Variants in AMDHD2 observed in about 807,000 individuals in gnomAD.
AMDHD2 encodes amidohydrolase domain containing 2, also known as N-acetylglucosamine-6-phosphate deacetylase.
AMDHD2 carries 24 observed loss-of-function variants against 41.8 expected under a neutral mutation model. The observed-to-expected ratio is 0.57, with a 90% CI of 0.42 to 0.81. The LOEUF (loss-of-function observed/expected upper bound fraction) is 0.81, where lower values mean the gene tolerates loss of function less well. Ranked by LOEUF, AMDHD2 falls within the 30% of genes least tolerant of loss-of-function variation. AMDHD2 has a pLI of 0.00. For synonymous variants in AMDHD2, 332 were observed against 255.5 expected, an observed-to-expected ratio of 1.30 and a Z score of -2.85; for missense variants, 540 against 588.5, an observed-to-expected ratio of 0.92 and a Z score of 0.85.
intron 3 of AMDHD2, 94 bp downstream of exon 3, chr16:2,521,217 C>A: frequency 7.2e-7 from 1 of 1,398,502 alleles, no homozygotes; most frequent in Non-Finnish European, 9.4e-7. Context: ...ACCCCCAGCA[C>A]GTATTCCATG....
chr16:2,531,045 TGCTG>T lies in AMDHD2; in HGVS notation c.*1487_*1490del. ...GGTTGAGCATCGCCTGTGCCCAGCT[TGCTG>T]GCTGTCAGTGCTTGATGTGCCCATC... is the stretch of plus-strand genomic sequence containing the variant. On this transcript the variant is annotated 3_prime_UTR_variant, in exon 11 of 11. Transcript: ENST00000293971. 1 of 1,597,836 alleles carries T rather than the reference TGCTG, an allele frequency of 6.3e-7. No individual in the cohort carries two copies. Among genetic ancestry groups the T allele is most frequent in the Non-Finnish European group, 8.6e-7 (1 of 1,167,902 alleles).
Position 2,527,464 on chromosome 16 carries a change from GCTCTGAA to G in AMDHD2, c.361-90_361-84del. 7.2e-7 allele frequency: 1 copy of G among 1,379,996 alleles called. No homozygotes were observed. Among genetic ancestry groups the G allele is most frequent in the South Asian group, 1.2e-5 (1 of 81,006 alleles). The allele number at this position is 1,379,996 out of a possible 1,614,324, so 85.5% of individuals were successfully genotyped here. A position where few individuals can be genotyped will look rare whatever the true frequency, so the allele number is the denominator to read the frequency against. ...CGGCCGGGGCTGGGCTGGGTGCTGG[GCTCTGAA>G]CTCTGACCTGAGATCTCTGGCCTTG... On this transcript the variant is annotated intron_variant, in intron 3 of 10. Transcript: ENST00000293971. This position sits in a 1 kb window ranked among gnomAD's most constrained non-coding sequence, Gnocchi z 6.1.
At chr16:2,528,020 G>T in intron 5 of AMDHD2, 35 bp downstream of exon 5, 1 of 1,610,958 alleles carries the variant, frequency 6.2e-7, no homozygotes, top group South Asian at 1.1e-5. Context: ...CTGCTTGGGG[G>T]ACCTGGGCCA....
Position 2,528,463 on chromosome 16 carries a change from G to A in AMDHD2, c.874G>A (p.Val292Ile), listed in dbSNP as rs1273826277. ...CTCTTCTCCCCCAGGGCTGGTGCTG[G>A]TCACCGATGCCATCCCTGCCTTGGG... ...HRAHPQGLVL[V>I]TDAIPALGLG... is the part of the protein sequence containing the mutation. The change falls in exon 8 of 11, where the codon GTC (valine) becomes ATC (isoleucine). Residue 292 changes from valine to isoleucine, a missense_variant. Transcript: ENST00000293971. The A allele has an allele frequency of 1.6e-5, 25 of 1,612,694 alleles. No individual in the cohort carries two copies. Among genetic ancestry groups the A allele is most frequent in the Non-Finnish European group, 2.1e-5 (25 of 1,179,916 alleles).
At position 2,530,318 on chromosome 16, in the gene AMDHD2, A is replaced by C; in HGVS notation, c.*755A>C. 6.2e-7 allele frequency: 1 copy of C among 1,614,102 alleles called. No individual in the cohort carries two copies. Among genetic ancestry groups the C allele is most frequent in the Admixed American group, 1.7e-5 (1 of 60,028 alleles). ...GCTGGAGGGCAGTATGGGAGGCACC[A>C]GTGTGCCCTGCTCACCCCATTAGTG... is the stretch of plus-strand genomic sequence containing the variant. On this transcript the variant is annotated 3_prime_UTR_variant, in exon 11 of 11. Coordinates refer to ENST00000293971, the MANE Select transcript of AMDHD2 (RefSeq NM_001330449.2).
In AMDHD2 at chr16:2,530,485, A is replaced by T; in HGVS notation, c.*922A>T. The T allele has an allele frequency of 6.2e-7, 1 of 1,614,116 alleles. No individual in the cohort carries two copies. Among genetic ancestry groups the T allele is most frequent in the Non-Finnish European group, 8.5e-7 (1 of 1,179,994 alleles). ...CTGAGGACAGCCACAGTGGGGTCAG[A>T]CGTCAGGGATTGGTGCAGCCCCACG... is the stretch of plus-strand genomic sequence containing the variant. On this transcript the variant is annotated 3_prime_UTR_variant, in exon 11 of 11. Coordinates refer to ENST00000293971, the MANE Select transcript of AMDHD2 (RefSeq NM_001330449.2).
chr16:2,524,290 G>T (rs935203412), intron 3 of AMDHD2, among the ~76,000 whole-genome samples: 7 of 152,216 alleles, frequency 4.6e-5, no homozygotes, highest in African/African-American at 1.7e-4. Context: ...CTTTTCTGGG[G>T]GGTTTCCGCC....
rs772528025 is a variant in AMDHD2 at position 2,530,549 on chromosome 16, C to G, written c.*986C>G. The G allele has an allele frequency of 1.9e-6, 3 of 1,614,196 alleles. No individual in the cohort carries two copies. The Admixed American group carries it at 5.0e-5, about 27-fold the overall frequency. On this transcript the variant is annotated 3_prime_UTR_variant, in exon 11 of 11. Coordinates refer to ENST00000293971, the MANE Select transcript of AMDHD2 (RefSeq NM_001330449.2). The stretch of plus-strand genomic sequence containing the variant: ...TCTTGACTTTCTCTCCATTTGAGTT[C>G]TGGGGTGGGTGGCTCCCTTCCCCCT...
chr16:2,525,092 T>C (rs1032595829), intron 3 of AMDHD2, among the ~76,000 whole-genome samples: 1 of 152,008 alleles, frequency 6.6e-6, no homozygotes, highest in Non-Finnish European at 1.5e-5. Flanking sequence ...AGTCTCCCTC[T>C]GTCACCCAGG....
intron 10 of AMDHD2, 52 bp downstream of exon 10, chr16:2,529,147 T>C: frequency 6.8e-7 from 1 of 1,464,974 alleles, no homozygotes. Flanking sequence ...CTGTAGACTC[T>C]GTTGTTCCTG....
At chr16:2,525,409 C>T (rs1341123982) in intron 3 of AMDHD2, among the ~76,000 whole-genome samples, 3 of 150,470 alleles carry the variant, frequency 2.0e-5, no homozygotes, top group Non-Finnish European at 4.4e-5. Context: ...TCTTGTTGCC[C>T]GGGCTGGAGC....
At position 2,528,121 on chromosome 16, in the gene AMDHD2, C is replaced by A. The variant is rs561836872; in HGVS notation, c.690C>A (p.Ile230=). The A allele has an allele frequency of 3.7e-6, 6 of 1,613,118 alleles. No homozygotes were observed. The highest frequency in any genetic ancestry group is 5.1e-6 in the Non-Finnish European group (6 of 1,179,866). The part of the protein sequence containing the change: ...EDAVWSGATF[I]THLFNAMLPF... ...CTGTGTGGAGCGGAGCCACCTTCAT[C>A]ACCCACCTCTTCAACGCCATGCTGC... The change falls in exon 6 of 11, where the codon ATC becomes ATA. Residue 230 remains isoleucine (I), a synonymous_variant. Transcript: ENST00000293971.
chr16:2,527,677 C>T lies in AMDHD2; in HGVS notation c.415+62C>T. 6.4e-7 allele frequency: 1 copy of T among 1,569,712 alleles called. No homozygotes were observed. The highest frequency in any genetic ancestry group is 8.7e-7 in the Non-Finnish European group (1 of 1,155,892). On this transcript the variant is annotated intron_variant, in intron 4 of 10. Coordinates refer to ENST00000293971, the MANE Select transcript of AMDHD2 (RefSeq NM_001330449.2). This position sits in a 1 kb window ranked among gnomAD's most constrained non-coding sequence, Gnocchi z 6.1. ...AGGCTCCTGCGGGACCTGTTGGCAG[C>T]CCCCACCCCTCCAGATGCCCAGCTG...
rs1291630735 is a variant in AMDHD2 at position 2,528,067 on chromosome 16, A to G, written c.636A>G (p.Ser212=). Residue 212 remains serine, a synonymous_variant, in exon 6 of 11, where the codon TCA becomes TCG. Transcript: ENST00000293971. The stretch of plus-strand genomic sequence containing the variant: ...TGAATCCAGGTCCCGCAGGGCACTC[A>G]GTGGCTGACCTGCGGGCGGCAGAGG... The part of the protein sequence containing the change: ...ARGICVSLGH[S]VADLRAAEDA... 1.5e-5 allele frequency: 24 copies of G among 1,612,846 alleles called. No homozygotes were observed. Among genetic ancestry groups the G allele is most frequent in the East Asian group, 2.2e-5 (1 of 44,884 alleles).
In AMDHD2 at chr16:2,528,445, C is replaced by T. The variant is rs376573813; in HGVS notation, c.863-7C>T. ...GGCTAGCAGGTTCTGAGCCTCTTCTCCCCCAGGGCTGGTGCTGGTCACCGA... is the reference window on the plus strand; with the variant it reads ...GGCTAGCAGGTTCTGAGCCTCTTCTTCCCCAGGGCTGGTGCTGGTCACCGA... On this transcript the variant is annotated splice_region_variant and splice_polypyrimidine_tract_variant and intron_variant, in intron 7 of 10. Coordinates refer to ENST00000293971, the MANE Select transcript of AMDHD2 (RefSeq NM_001330449.2). 1.1e-4 allele frequency: 181 copies of T among 1,612,810 alleles called. No individual in the cohort carries two copies. The highest frequency in any genetic ancestry group is 1.4e-4 in the Non-Finnish European group (162 of 1,179,924).
In AMDHD2 at chr16:2,528,154, T is replaced by C. The variant is rs1463785996; in HGVS notation, c.717+6T>C. On this transcript the variant is annotated splice_donor_region_variant and intron_variant, in intron 6 of 10. Coordinates refer to ENST00000293971, the MANE Select transcript of AMDHD2 (RefSeq NM_001330449.2). ...TCTTCAACGCCATGCTGCCTGTGAG[T>C]GCTATGGGGCCCCAGGGGCGGGGCT... 1 of 1,612,678 alleles carries C rather than the reference T, an allele frequency of 6.2e-7. No homozygotes were observed.
chr16:2,529,997 G>A lies in AMDHD2; in HGVS notation c.*434G>A, dbSNP rs936502818. ...CACCATGGGCTGGGGGTGAAGAGCCGGCAGGAAGGGGACCAGTCACAGGGA... is the reference window on the plus strand; with the variant it reads ...CACCATGGGCTGGGGGTGAAGAGCCAGCAGGAAGGGGACCAGTCACAGGGA... On this transcript the variant is annotated 3_prime_UTR_variant, in exon 11 of 11. Transcript: ENST00000293971. 16 of 728,586 alleles carry A rather than the reference G, an allele frequency of 2.2e-5. No homozygotes were observed. Among genetic ancestry groups the A allele is most frequent in the African/African-American group, 3.5e-5 (2 of 56,444 alleles). 45.1% of individuals were successfully genotyped at this position (728,586 alleles called of 1,614,324 possible).
At chr16:2,525,847 T>G (rs1381843806) in intron 3 of AMDHD2, among the ~76,000 whole-genome samples, 1 of 152,110 alleles carries the variant, frequency 6.6e-6, no homozygotes, top group Non-Finnish European at 1.5e-5. Flanking sequence ...CCTGGCCAAT[T>G]TTTGTATTTT....
Position 2,530,258 on chromosome 16 carries a change from C to T in AMDHD2, c.*695C>T, listed in dbSNP as rs2066069098. ...CCCTATCTCTTCACACATCCCCAGG[C>T]CCAGTGCTTGCCGGCTGTGGTGACC... On this transcript the variant is annotated 3_prime_UTR_variant, in exon 11 of 11. Coordinates refer to ENST00000293971, the MANE Select transcript of AMDHD2 (RefSeq NM_001330449.2). The T allele has an allele frequency of 6.2e-7, 1 of 1,609,788 alleles. No homozygotes were observed. The highest frequency in any genetic ancestry group is 8.5e-7 in the Non-Finnish European group (1 of 1,178,232).
Sources: allele counts gnomAD v4.1 joint callset (sites outside exome capture counted in the v4.1 genomes callset), GRCh38; gene constraint gnomAD v4.1.1; non-coding constraint Gnocchi (gnomAD v3.1); transcripts MANE v1.5; gene names NCBI Gene and HGNC (gene_info 2026-07-23, HGNC 2026-07-21).